Variants in CDCP1 observed in about 807,000 individuals in gnomAD.
The protein encoded by CDCP1 is CUB domain containing protein 1.
A neutral mutation model predicts 60.2 loss-of-function variants in CDCP1; 29 were observed. The observed-to-expected ratio is 0.48, with a 90% CI of 0.36 to 0.66. The LOEUF is 0.66. CDCP1 is among the 30% of genes least tolerant of loss of function. CDCP1 has a pLI of 0.00. For synonymous variants in CDCP1, 387 were observed against 431.1 expected (o/e 0.90, Z 1.27); for missense variants, 876 against 1,074.3 (o/e 0.82, Z 2.58).
At chr3:45,109,252 T>C (rs1238568495) in intron 4 of CDCP1, among the ~76,000 whole-genome samples, 2 of 151,858 alleles carry the variant, frequency 1.3e-5, no homozygotes, top group East Asian at 1.9e-4. Context: ...CCCGGCCCCT[T>C]GTATATATAT....
chr3:45,105,871 T>C (rs1698555942), intron 4 of CDCP1, among the ~76,000 whole-genome samples: 1 of 152,160 alleles, frequency 6.6e-6, no homozygotes, highest in Admixed American at 6.5e-5. Context: ...AGAGGGTGCA[T>C]TGTGGAGCAC....
At chr3:45,110,413 T>C (rs1698665803) in intron 4 of CDCP1, 60 bp downstream of exon 4, 1 of 1,580,354 alleles carries the variant, frequency 6.3e-7, no homozygotes, top group Admixed American at 1.7e-5. Flanking sequence ...CCAGGCAGAC[T>C]ACCCAGGAAA....
intron 1 of CDCP1, among the ~76,000 whole-genome samples, chr3:45,143,278 T>C (rs1699325742): frequency 6.6e-6 from 1 of 152,180 alleles, no homozygotes; most frequent in Non-Finnish European, 1.5e-5. Flanking sequence ...AATGGGATAA[T>C]CCAGTTGATA....
chr3:45,096,449 AC>A (rs1436540804), intron 4 of CDCP1, among the ~76,000 whole-genome samples: 1 of 151,552 alleles, frequency 6.6e-6, no homozygotes, highest in Admixed American at 6.6e-5. Context: ...ACATGTTGAA[AC>A]CCCGTGTCTA....
intron 3 of CDCP1, among the ~76,000 whole-genome samples, chr3:45,111,875 A>G (rs1698699447): frequency 6.6e-6 from 1 of 152,230 alleles, no homozygotes; most frequent in Non-Finnish European, 1.5e-5. Context: ...CAAAAAGGAC[A>G]AAGAGAATCA....
intron 1 of CDCP1, among the ~76,000 whole-genome samples, chr3:45,132,100 G>A (rs996628622): frequency 5.3e-5 from 8 of 152,100 alleles, no homozygotes; most frequent in Middle Eastern, 3.2e-3. Context: ...AGCAGGCGTG[G>A]TGGCACATGC....
At position 45,112,333 on chromosome 3, in the gene CDCP1, G is replaced by C; in HGVS notation, c.405C>G (p.Ile135Met). The change falls in exon 3 of 9, where the codon ATC (isoleucine) becomes ATG (methionine). Residue 135 changes from isoleucine to methionine, a missense_variant. Around this residue, in one of 2 missense-constraint regions of CDCP1, gnomAD observed 726 missense variants for 935.7 expected, o/e 0.78. Transcript: ENST00000296129. ...GGATGGAAAACTGCAGCTCTAAACC[G>C]ATGCTCTTATGAGCTTTGACATCCC... ...FIWDVKAHKS[I>M]GLELQFSIPR... The C allele has an allele frequency of 6.2e-7, 1 of 1,614,240 alleles. No homozygotes were observed. The highest frequency in any genetic ancestry group is 8.5e-7 in the Non-Finnish European group (1 of 1,180,042).
In CDCP1 at chr3:45,118,504, A is replaced by G. The variant is rs1262655442; in HGVS notation, c.200T>C (p.Met67Thr). 1.2e-6 allele frequency: 2 copies of G among 1,614,058 alleles called. No homozygotes were observed. The highest frequency in any genetic ancestry group is 4.5e-5 in the East Asian group (2 of 44,902). ...TCTTTCTCCAGACTTGATGGACAAC[A>G]TGGTTATATGTCTTTTAGAAATGAC... Reference protein sequence around the residue: ...YIVISKRHITMLSIKSGERIV... With the variant: ...YIVISKRHITTLSIKSGERIV... The change falls in exon 2 of 9, where the codon ATG becomes ACG. Residue 67 changes from methionine (M) to threonine (T), a missense_variant. By Grantham distance (81) the Met-to-Thr change is moderately conservative. This residue lies in a region of CDCP1 where 150 missense variants were observed against 138.6 expected (regional missense o/e 1.08). Transcript: ENST00000296129.
intron 2 of CDCP1, among the ~76,000 whole-genome samples, chr3:45,113,517 G>A (rs1048478482): frequency 6.6e-6 from 1 of 152,166 alleles, no homozygotes; most frequent in African/African-American, 2.4e-5. Context: ...AATAATTTGT[G>A]AATCTTTACT....
chr3:45,105,310 T>A (rs545065131), intron 4 of CDCP1, among the ~76,000 whole-genome samples: 3 of 152,056 alleles, frequency 2.0e-5, no homozygotes, highest in Non-Finnish European at 4.4e-5. Flanking sequence ...CAGGACAAAT[T>A]TAAGACTCAT....
At chr3:45,090,971 T>A (rs112716142) in intron 7 of CDCP1, among the ~76,000 whole-genome samples, 1 of 152,154 alleles carries the variant, frequency 6.6e-6, no homozygotes, top group Admixed American at 6.5e-5. Flanking sequence ...CCAGCCAACG[T>A]TGGAGCAATA....
In CDCP1 at chr3:45,108,123, T is replaced by TA. The variant is rs1288253821; in HGVS notation, c.1024+2349dup. On this transcript the variant is annotated intron_variant, in intron 4 of 8. Coordinates refer to ENST00000296129, the MANE Select transcript of CDCP1 (RefSeq NM_022842.5). The stretch of plus-strand genomic sequence containing the variant: ...CTGGGTGACAGAGCAAGACTCTGCC[T>TA]AAAAAAAAAAGAAAAAAAAAGAATG... Among the ~76,000 whole-genome samples the TA allele has an allele frequency of 3.7e-3, 525 of 142,296 alleles. 1 individual carries two copies. Among genetic ancestry groups the TA allele is most frequent in the African/African-American group, 0.012 (448 of 38,352 alleles). The allele number at this position is 142,296 out of a possible 152,430, so 93.4% of individuals were successfully genotyped here.
In CDCP1 at chr3:45,118,598, G is replaced by A. The variant is rs749555063; in HGVS notation, c.106C>T (p.Arg36Ter). The A allele has an allele frequency of 3.7e-6, 6 of 1,613,772 alleles. No individual in the cohort carries two copies. The highest frequency in any genetic ancestry group is 5.1e-6 in the Non-Finnish European group (6 of 1,179,998). ...GAEAFEIALP[R>*]ESNITVLIKL... ...ATGAGAACTGTAATGTTGCTTTCTC[G>A]TGGCAGAGCAATCTCAAAAGCTTCT... is the stretch of plus-strand genomic sequence containing the variant. The change falls in exon 2 of 9, where the codon CGA (arginine) becomes TGA (stop). Residue 36 changes from arginine to a stop codon, truncating the protein, a stop_gained. Transcript: ENST00000296129. LOFTEE classifies it high-confidence loss of function.
intron 4 of CDCP1, among the ~76,000 whole-genome samples, chr3:45,095,980 T>C (rs982466804): frequency 2.0e-5 from 3 of 152,194 alleles, no homozygotes; most frequent in African/African-American, 7.2e-5. Context: ...TATAGAAAGT[T>C]CTTAATGTCA....
At chr3:45,125,055 G>T (rs938877174) in intron 1 of CDCP1, among the ~76,000 whole-genome samples, 1 of 152,232 alleles carries the variant, frequency 6.6e-6, no homozygotes, top group African/African-American at 2.4e-5. Flanking sequence ...GTCAAGGAGG[G>T]CTTCACAGAA....
At position 45,146,335 on chromosome 3, in the gene CDCP1, G is replaced by T. The variant is rs1469130128; in HGVS notation, c.-48C>A. ...GGTGGGGAAAACGACGGTGGGGAGCGGCGGCCCCAGGCGCCCAAGCCCGGC... is the reference window on the plus strand; with the variant it reads ...GGTGGGGAAAACGACGGTGGGGAGCTGCGGCCCCAGGCGCCCAAGCCCGGC... On this transcript the variant is annotated 5_prime_UTR_variant, in exon 1 of 9. Transcript: ENST00000296129. The T allele has an allele frequency of 1.4e-6, 2 of 1,476,470 alleles. No homozygotes were observed. Among genetic ancestry groups the T allele is most frequent in the South Asian group, 1.3e-5 (1 of 78,548 alleles). The allele number at this position is 1,476,470 out of a possible 1,614,324, so 91.5% of individuals were successfully genotyped here.
rs764438192 is a variant in CDCP1, at chr3:45,091,849, C to T, written c.1628-311G>A. On this transcript the variant is annotated intron_variant, in intron 6 of 8. Coordinates refer to ENST00000296129, the MANE Select transcript of CDCP1 (RefSeq NM_022842.5). The surrounding 1 kb of genome is among the most constrained non-coding windows in gnomAD (Gnocchi z 4.8). ...TTGCCCAGGCTAGAGTGCAGTGGCA[C>T]GATCTCGGCTCACTGCAAACTGCAA... Among the ~76,000 whole-genome samples the T allele has an allele frequency of 5.3e-5, 8 of 152,186 alleles. No individual in the cohort carries two copies. Among genetic ancestry groups the T allele is most frequent in the Admixed American group, 2.0e-4 (3 of 15,286 alleles).
At chr3:45,090,321 C>T (rs1250352469) in intron 7 of CDCP1, among the ~76,000 whole-genome samples, 1 of 152,194 alleles carries the variant, frequency 6.6e-6, no homozygotes, top group Non-Finnish European at 1.5e-5. Flanking sequence ...CCCTGCCACA[C>T]CTGCATTCCC....
At chr3:45,089,606 T>C (rs1291581470) in intron 7 of CDCP1, among the ~76,000 whole-genome samples, 1 of 152,238 alleles carries the variant, frequency 6.6e-6, no homozygotes, top group Non-Finnish European at 1.5e-5. Flanking sequence ...CCAGATATCC[T>C]GGAGCACAGA....
Sources: allele counts gnomAD v4.1 joint callset (sites outside exome capture counted in the v4.1 genomes callset), GRCh38; gene constraint gnomAD v4.1.1; regional missense constraint gnomAD v4.1.1; non-coding constraint Gnocchi (gnomAD v3.1); transcripts MANE v1.5; gene names NCBI Gene and HGNC (gene_info 2026-07-23, HGNC 2026-07-21).